The following ZEB2 variants were observed in gnomAD, a reference collection of about 807,000 sequenced individuals.
The protein encoded by ZEB2 is zinc finger E-box-binding homeobox 2.
A neutral mutation model predicts 99.9 loss-of-function variants in ZEB2; 6 were observed. The ratio of observed to expected loss-of-function variants is 0.06; its 90% CI spans 0.03 to 0.12. The LOEUF is 0.12. Among genes scored for constraint, ZEB2 ranks in the 10% least tolerant of loss-of-function variants. The pLI is 1.00. For synonymous variants in ZEB2, 517 were observed against 542.5 expected, an observed-to-expected ratio of 0.95 and a Z score of 0.65; for missense variants, 969 against 1,502.8, an observed-to-expected ratio of 0.64 and a Z score of 5.87.
rs571612233 is a variant in ZEB2, at chr2:144,465,511, C to T, written c.74-35485G>A. Among the ~76,000 whole-genome samples the T allele has an allele frequency of 8.5e-5, 13 of 152,224 alleles. No individual in the cohort carries two copies. The South Asian group carries it at 1.5e-3, about 17-fold the overall frequency. On this transcript the variant is annotated intron_variant, in intron 2 of 9. Transcript: ENST00000627532. Reference sequence around the variant, plus strand: ...TAGGGCAATAAACACCCCCCAAGAGCGCTATCCAATCATATACTCTGTATT... The same window carrying T: ...TAGGGCAATAAACACCCCCCAAGAGTGCTATCCAATCATATACTCTGTATT...
intron 2 of ZEB2, chr2:144,516,038 G>A (rs1456164287): frequency 1.3e-5 from 2 of 152,210 alleles, no homozygotes; most frequent in African/African-American, 4.8e-5. Context: ...GGGAGGCCGG[G>A]TGGGCGCTGC....
chr2:144,486,048 G>C (rs937758038), intron 2 of ZEB2, among the ~76,000 whole-genome samples: 1 of 152,194 alleles, frequency 6.6e-6, no homozygotes, highest in Non-Finnish European at 1.5e-5. Context: ...TAAGGCTTCA[G>C]TGTATTTTAT....
rs144184948 is a variant in ZEB2 at position 144,398,730 on chromosome 2, T to C, written c.2457A>G (p.Ser819=). ...TGGGTTCTTTCATTTGTTTTGGTAATGACAAGTCTAAAGGCTCAGCCTGGA... is the reference window on the plus strand; with the variant it reads ...TGGGTTCTTTCATTTGTTTTGGTAACGACAAGTCTAAAGGCTCAGCCTGGA... ...EELQAEPLDL[S]LPKQMKEPKS... The change falls in exon 8 of 10, where the codon TCA becomes TCG. Residue 819 remains serine, a synonymous_variant. Coordinates refer to ENST00000627532, the MANE Select transcript of ZEB2 (RefSeq NM_014795.4). The C allele has an allele frequency of 5.9e-5, 95 of 1,614,064 alleles. No homozygotes were observed. Among genetic ancestry groups the C allele is most frequent in the Middle Eastern group, 4.9e-4 (3 of 6,084 alleles).
intron 2 of ZEB2, among the ~76,000 whole-genome samples, chr2:144,509,224 C>T (rs1021512279): frequency 1.3e-5 from 2 of 152,180 alleles, no homozygotes; most frequent in Non-Finnish European, 2.9e-5. Flanking sequence ...AGGTTAATAT[C>T]ACAGCTGCCT....
chr2:144,445,355 G>T (rs901576297), intron 2 of ZEB2, among the ~76,000 whole-genome samples: 4 of 147,114 alleles, frequency 2.7e-5, no homozygotes, highest in African/African-American at 5.0e-5. Context: ...GTGGTAATTA[G>T]CACAGCGGGA....
chr2:144,512,990 T>G (rs1393522989), intron 2 of ZEB2: 2 of 1,287,120 alleles, frequency 1.6e-6, no homozygotes, highest in Non-Finnish European at 2.0e-6. Flanking sequence ...TTCCACACTT[T>G]GCAAAGATAA....
At chr2:144,394,469 T>C (rs978208489) in intron 9 of ZEB2, 4 of 152,210 alleles carry the variant, frequency 2.6e-5, no homozygotes, top group African/African-American at 9.6e-5. Context: ...TTCAGTGATG[T>C]GCCTATTGTA....
chr2:144,504,102 AAAAAC>A (rs1227168520), intron 2 of ZEB2: 15 of 106,752 alleles, frequency 1.4e-4, no homozygotes, highest in Non-Finnish European at 2.8e-4. Context: ...AAACAACAAA[AAAAAC>A]AAACCACCTT....
rs200601489 is a variant in ZEB2, at chr2:144,396,628, C to T, written c.2887-36G>A. 3.1e-6 allele frequency: 5 copies of T among 1,602,074 alleles called. No homozygotes were observed. The East Asian group carries it at 9.0e-5, about 29-fold the overall frequency. The stretch of plus-strand genomic sequence containing the variant: ...ATCACACAGTTCAATACAGTGGCTT[C>T]TCTTTGTGCTCACACCAAACAACTT... On this transcript the variant is annotated intron_variant, in intron 8 of 9. Coordinates refer to ENST00000627532, the MANE Select transcript of ZEB2 (RefSeq NM_014795.4).
At chr2:144,463,857 AAAC>A (rs1704232227) in intron 2 of ZEB2, 1 of 151,914 alleles carries the variant, frequency 6.6e-6, no homozygotes, top group African/African-American at 2.4e-5. Flanking sequence ...AAAAAACAAA[AAAC>A]AAAAAAAGAA....
chr2:144,410,441 T>C (rs1336164439), intron 4 of ZEB2, among the ~76,000 whole-genome samples: 1 of 152,210 alleles, frequency 6.6e-6, no homozygotes, highest in Admixed American at 6.5e-5. Flanking sequence ...AATATCAACA[T>C]AGACTGGCCT....
chr2:144,424,433 T>C (rs776560987), intron 4 of ZEB2: 4 of 529,424 alleles, frequency 7.6e-6, no homozygotes, highest in Admixed American at 5.8e-5. Flanking sequence ...CAACGACTGA[T>C]ATCAAGTGGT....
intron 2 of ZEB2, among the ~76,000 whole-genome samples, chr2:144,467,101 T>C (rs953147244): frequency 5.3e-5 from 8 of 152,126 alleles, no homozygotes; most frequent in Middle Eastern, 3.2e-3. Context: ...ATTTTGGTTT[T>C]CTATGGAACT....
At chr2:144,447,400 C>G (rs917949871) in intron 2 of ZEB2, among the ~76,000 whole-genome samples, 4 of 152,112 alleles carry the variant, frequency 2.6e-5, no homozygotes, top group Non-Finnish European at 4.4e-5. Flanking sequence ...GTCTAACATG[C>G]CTATATATGT....
At chr2:144,426,494 G>A (rs957486315) in intron 3 of ZEB2, 2 of 144,154 alleles carry the variant, frequency 1.4e-5, no homozygotes, top group African/African-American at 2.7e-5. Context: ...GGGGAAAACA[G>A]TTAACAGCAT....
intron 2 of ZEB2, among the ~76,000 whole-genome samples, chr2:144,493,595 T>C (rs1704713099): frequency 6.6e-6 from 1 of 152,110 alleles, no homozygotes; most frequent in South Asian, 2.1e-4. Context: ...TGAATAGATC[T>C]AGAGATGTTA....
chr2:144,517,803 T>C (rs1391156183), intron 1 of ZEB2: 1 of 644,160 alleles, frequency 1.6e-6, no homozygotes, highest in Non-Finnish European at 2.8e-6. Flanking sequence ...AGGCGAGGTT[T>C]TCTTTTCGTT....
intron 4 of ZEB2, chr2:144,424,389 TAC>T (rs765038876): frequency 1.9e-6 from 1 of 520,408 alleles, no homozygotes; most frequent in Non-Finnish European, 3.8e-6. Flanking sequence ...AAAAAAATTT[TAC>T]AGTCTAAATT....
intron 2 of ZEB2, among the ~76,000 whole-genome samples, chr2:144,486,766 A>G (rs1283532839): frequency 6.6e-6 from 1 of 152,194 alleles, no homozygotes; most frequent in East Asian, 1.9e-4. Context: ...AGTACCTTTG[A>G]TATTAAAAAC....
Sources: allele counts gnomAD v4.1 joint callset (sites outside exome capture counted in the v4.1 genomes callset), GRCh38; gene constraint gnomAD v4.1.1; transcripts MANE v1.5; gene names NCBI Gene and HGNC (gene_info 2026-07-23, HGNC 2026-07-21).